ACER1: variants seen among roughly 807,000 people sequenced by gnomAD.
ACER1 encodes the protein CTB-180A7.3.
In ACER1, 28 loss-of-function variants were observed where a neutral mutation model predicts 24.9. The observed-to-expected ratio is 1.13, with a 90% CI of 0.83 to 1.54. The LOEUF is 1.54. Ranked by LOEUF, ACER1 falls within the 40% of genes most tolerant of loss-of-function variation. The probability of loss-of-function intolerance (pLI) is 0.00; values close to 1 mark genes in which losing one functional copy is unlikely to be tolerated. For missense variants in ACER1, 352 were observed against 349.3 expected, an observed-to-expected ratio of 1.01 and a Z score of -0.06; for synonymous variants, 132 against 131.4, an observed-to-expected ratio of 1.00 and a Z score of -0.03.
the ACER1 span, among the ~76,000 whole-genome samples, chr19:6,353,618 G>A: frequency 7.2e-5 from 11 of 152,068 alleles, no homozygotes; most frequent in East Asian, 2.1e-3. Flanking sequence ...CTGAGGTCAG[G>A]AGTTCAAGAC....
chr19:6,353,963 C>T, the ACER1 span, among the ~76,000 whole-genome samples: 4 of 151,918 alleles, frequency 2.6e-5, no homozygotes, highest in Admixed American at 6.6e-5. Context: ...GGGCAAATCA[C>T]CTGAGGTCAG....
At chr19:6,321,269 G>A (rs544502544) in intron 1 of ACER1, among the ~76,000 whole-genome samples, 2 of 151,864 alleles carry the variant, frequency 1.3e-5, no homozygotes, top group Non-Finnish European at 2.9e-5. Flanking sequence ...CTGAGTAGCT[G>A]GGATTACAGG....
chr19:6,316,477 T>C (rs2145003611), intron 1 of ACER1, among the ~76,000 whole-genome samples: 1 of 152,102 alleles, frequency 6.6e-6, no homozygotes, highest in African/African-American at 2.4e-5. Context: ...TGCGGCAACA[T>C]GGATGGAACC....
chr19:6,324,040 C>A (rs912538926), intron 1 of ACER1, among the ~76,000 whole-genome samples: 6 of 151,998 alleles, frequency 3.9e-5, no homozygotes, highest in African/African-American at 1.4e-4. Context: ...CTCCTCATTT[C>A]TCTCTTTTTA....
chr19:6,354,535 T>C, the ACER1 span, among the ~76,000 whole-genome samples: 1 of 152,232 alleles, frequency 6.6e-6, no homozygotes, highest in African/African-American at 2.4e-5. Context: ...AGGACATTGC[T>C]CAAATAATAA....
upstream of ACER1, among the ~76,000 whole-genome samples, chr19:6,337,285 C>G (rs80171561): frequency 0.05 from 7,548 of 151,790 alleles, 284 homozygotes; most frequent in African/African-American, 0.11. Context: ...TGTCTCTTAA[C>G]ACTTAATGAC....
intron 1 of ACER1, among the ~76,000 whole-genome samples, chr19:6,332,030 G>A (rs1278872867): frequency 4.7e-5 from 7 of 149,486 alleles, no homozygotes; most frequent in Admixed American, 6.7e-5. Flanking sequence ...GCAATGGTGC[G>A]ATCTCGGCTC....
the ACER1 span, among the ~76,000 whole-genome samples, chr19:6,347,218 CT>C: frequency 2.3e-5 from 3 of 132,208 alleles, no homozygotes; most frequent in African/African-American, 6.4e-5. Context: ...CTTTTCTTTT[CT>C]TTTTCTTTTT....
chr19:6,349,105 A>G, the ACER1 span, among the ~76,000 whole-genome samples: 3 of 150,310 alleles, frequency 2.0e-5, no homozygotes, highest in African/African-American at 7.4e-5. Context: ...AAGAAGAGGA[A>G]GAAGAGGAGG....
upstream of ACER1, chr19:6,333,755 G>A (rs1464937053): frequency 1.9e-6 from 1 of 519,486 alleles, no homozygotes; most frequent in African/African-American, 1.9e-5. Context: ...TAAGCCGTGG[G>A]ACTGGCACTG....
At chr19:6,348,805 C>T in the ACER1 span, among the ~76,000 whole-genome samples, 5 of 152,030 alleles carry the variant, frequency 3.3e-5, no homozygotes, top group Non-Finnish European at 7.3e-5. Context: ...AGCCTGTAAT[C>T]CCAGCACTTT....
chr19:6,320,297 G>A (rs115573426), intron 1 of ACER1, among the ~76,000 whole-genome samples: 2,770 of 152,018 alleles, frequency 0.018, 106 homozygotes, highest in African/African-American at 0.064. Flanking sequence ...AGTGTGCACC[G>A]GCCACAGCAC....
rs1458648171 is a variant in ACER1 at position 6,309,785 on chromosome 19, GA to G, written c.399del (p.Leu134CysfsTer39). ...TTGACCGTGGGCCGCAGGAAGGACAGAAGGGTGCTGACCACAGTGGTGATGA... is the reference window on the plus strand; with the variant it reads ...TTGACCGTGGGCCGCAGGAAGGACAGAGGGTGCTGACCACAGTGGTGATGA... ...LVFITTVVST[L>X]LSFLRPTVNA... On this transcript the variant is annotated frameshift_variant, in exon 4 of 6. Coordinates refer to ENST00000301452, the MANE Select transcript of ACER1 (RefSeq NM_133492.3). LOFTEE classifies it high-confidence loss of function. The G allele has an allele frequency of 2.5e-6, 4 of 1,614,016 alleles. No homozygotes were observed. The South Asian group carries it at 4.4e-5, about 18-fold the overall frequency.
chr19:6,340,953 T>C, the ACER1 span, among the ~76,000 whole-genome samples: 1 of 152,030 alleles, frequency 6.6e-6, no homozygotes, highest in Non-Finnish European at 1.5e-5. Flanking sequence ...GAAATGAGTC[T>C]TATAGGCTAA....
upstream of ACER1, among the ~76,000 whole-genome samples, chr19:6,335,838 A>G (rs1359327685): frequency 6.6e-6 from 1 of 151,872 alleles, no homozygotes; most frequent in African/African-American, 2.4e-5. Context: ...CTAAAAAAAA[A>G]AGAAAAAATC....
upstream of ACER1, among the ~76,000 whole-genome samples, chr19:6,337,913 G>A (rs1397099669): frequency 2.7e-5 from 4 of 150,602 alleles, no homozygotes; most frequent in South Asian, 2.1e-4. Context: ...TCCCGACCTC[G>A]TGATCCACCC....
intron 1 of ACER1, among the ~76,000 whole-genome samples, chr19:6,323,172 G>GA (rs2091639819): frequency 6.6e-6 from 1 of 151,978 alleles, no homozygotes; most frequent in Non-Finnish European, 1.5e-5. Context: ...TGTAATCCCA[G>GA]CACTTTGGGA....
upstream of ACER1, among the ~76,000 whole-genome samples, chr19:6,336,734 C>T (rs564209087): frequency 3.4e-5 from 5 of 148,694 alleles, no homozygotes; most frequent in African/African-American, 5.0e-5. Flanking sequence ...GCAGGAAAAT[C>T]GCTTGAACCT....
At chr19:6,346,460 C>T in the ACER1 span, among the ~76,000 whole-genome samples, 4,076 of 151,644 alleles carry the variant, frequency 0.027, 191 homozygotes, top group African/African-American at 0.094. Flanking sequence ...CCTCCTCCTC[C>T]TCCCCCTCCT....
Sources: allele counts gnomAD v4.1 joint callset (sites outside exome capture counted in the v4.1 genomes callset), GRCh38; gene constraint gnomAD v4.1.1; transcripts MANE v1.5; gene names NCBI Gene and HGNC (gene_info 2026-07-23, HGNC 2026-07-21).